Variants in ADGRE1 observed in about 807,000 individuals in gnomAD.
ADGRE1 encodes adhesion G protein-coupled receptor E1.
A neutral mutation model predicts 102.7 loss-of-function variants in ADGRE1; 82 were observed. The ratio of observed to expected loss-of-function variants is 0.80; its 90% CI spans 0.67 to 0.96. The LOEUF is 0.96. ADGRE1 is among the 40% of genes least tolerant of loss of function. ADGRE1 has a pLI of 0.00. For synonymous variants in ADGRE1, 398 were observed against 399.6 expected (o/e 1.00, Z 0.05); for missense variants, 1,032 against 1,085.3 (o/e 0.95, Z 0.69).
intron 18 of ADGRE1, among the ~76,000 whole-genome samples, chr19:6,936,958 A>G (rs1045748525): frequency 1.3e-5 from 2 of 152,000 alleles, no homozygotes; most frequent in Non-Finnish European, 1.5e-5. Flanking sequence ...GGTTTTCACC[A>G]TGTTGGCCAG....
At chr19:6,902,423 T>G (rs28448628) in intron 6 of ADGRE1, among the ~76,000 whole-genome samples, 2 of 151,744 alleles carry the variant, frequency 1.3e-5, no homozygotes, top group African/African-American at 4.8e-5. Context: ...TTGTTTTTTG[T>G]TTTTTTGGGG....
chr19:6,920,244 T>TTTTTTTTTTA (rs777225544), intron 13 of ADGRE1, among the ~76,000 whole-genome samples: 1 of 147,892 alleles, frequency 6.8e-6, no homozygotes, highest in Non-Finnish European at 1.5e-5. Context: ...TTTTTTTTTT[T>TTTTTTTTTTA]AGTCTCACTC....
At chr19:6,898,476 G>T (rs330882) in intron 5 of ADGRE1, 448,459 of 1,584,468 alleles carry the variant, frequency 0.28, 71,020 homozygotes, top group African/African-American at 0.61. Context: ...ATGCCCTCAG[G>T]TTCCCAGGGA....
intron 2 of ADGRE1, among the ~76,000 whole-genome samples, chr19:6,893,389 G>A (rs1194990821): frequency 2.6e-5 from 4 of 152,002 alleles, no homozygotes; most frequent in East Asian, 3.9e-4. Context: ...TAGTAGAGAC[G>A]GGGGCTTCTT....
In ADGRE1 at chr19:6,905,360, C is replaced by CTT. The variant is rs71177126; in HGVS notation, c.950-1061_950-1060dup. On this transcript the variant is annotated intron_variant, in intron 8 of 20. Transcript: ENST00000312053. ...GAGACCCTGTCTTTTGTTTTTTTTT[C>CTT]TTTTTTTTTTTTTATGGAGTCTCAC... Among the ~76,000 whole-genome samples the CTT allele has an allele frequency of 3.7e-3, 502 of 134,356 alleles. 6 individuals carry two copies. Among genetic ancestry groups the CTT allele is most frequent in the African/African-American group, 0.011 (406 of 35,582 alleles). 88.1% of individuals were successfully genotyped at this position (134,356 alleles called of 152,430 possible). A position where few individuals can be genotyped will look rare whatever the true frequency, so the allele number is the denominator to read the frequency against.
intron 8 of ADGRE1, 68 bp from the exon 9 acceptor site, chr19:6,906,365 A>T: frequency 7.1e-7 from 1 of 1,412,838 alleles, no homozygotes; most frequent in Non-Finnish European, 9.9e-7. Context: ...ACATGAAATC[A>T]GACTTGAATT....
intron 10 of ADGRE1, among the ~76,000 whole-genome samples, chr19:6,912,072 A>C (rs568407026): frequency 1.3e-5 from 2 of 152,240 alleles, no homozygotes; most frequent in East Asian, 3.9e-4. Context: ...ACAAATGTAC[A>C]CACATACACA....
chr19:6,934,528 C>T (rs1289269315), intron 17 of ADGRE1, among the ~76,000 whole-genome samples: 5 of 148,602 alleles, frequency 3.4e-5, no homozygotes, highest in African/African-American at 1.2e-4. Context: ...TCAAGTGATT[C>T]TCATGCCTCA....
At chr19:6,938,910 C>T (rs1268151447) in intron 20 of ADGRE1, among the ~76,000 whole-genome samples, 1 of 151,764 alleles carries the variant, frequency 6.6e-6, no homozygotes, top group Non-Finnish European at 1.5e-5. Context: ...ATTTTCCTGC[C>T]TCAGCCTCCC....
intron 6 of ADGRE1, among the ~76,000 whole-genome samples, chr19:6,903,013 T>A (rs930252540): frequency 1.3e-5 from 2 of 152,236 alleles, no homozygotes; most frequent in Non-Finnish European, 2.9e-5. Context: ...AAAACAGCTT[T>A]ATTGAAGAGG....
Position 6,897,428 on chromosome 19 carries a change from A to C in ADGRE1, c.395A>C (p.Asp132Ala). The C allele has an allele frequency of 1.3e-6, 2 of 1,593,116 alleles. No homozygotes were observed. Among genetic ancestry groups the C allele is most frequent in the Non-Finnish European group, 1.7e-6 (2 of 1,168,882 alleles). Residue 132 changes from aspartate (D) to alanine (A), a missense_variant and splice_region_variant, in exon 5 of 21, where the codon GAT (aspartate) becomes GCT (alanine). Asp to Ala is a moderately radical substitution (Grantham distance 126, BLOSUM62 -2). Coordinates refer to ENST00000312053, the MANE Select transcript of ADGRE1 (RefSeq NM_001974.5). ...CTCACCCTCTTCCACTGCTTCTCAG[A>C]TATCAATGAGTGCCTCACCAGCAGC... is the stretch of plus-strand genomic sequence containing the variant. Reference protein sequence around the residue: ...PGKPGNFSCTDINECLTSSVC... With the variant: ...PGKPGNFSCTAINECLTSSVC...
At chr19:6,928,118 G>T in intron 16 of ADGRE1, 27 bp from the exon 17 acceptor site, 3 of 1,608,330 alleles carry the variant, frequency 1.9e-6, no homozygotes, top group Non-Finnish European at 2.5e-6. Context: ...TGAGACAAGC[G>T]CTGACTCCTC....
intron 9 of ADGRE1, among the ~76,000 whole-genome samples, chr19:6,908,224 G>T (rs532972398): frequency 6.6e-6 from 1 of 152,150 alleles, no homozygotes; most frequent in African/African-American, 2.4e-5. Context: ...CCATCCCTTC[G>T]TTTCCCATAA....
At chr19:6,923,790 A>G (rs1359527270) in intron 14 of ADGRE1, among the ~76,000 whole-genome samples, 47 of 128,192 alleles carry the variant, frequency 3.7e-4, no homozygotes, top group Middle Eastern at 4.3e-3. Context: ...CACCCGCCCC[A>G]GCCTCCCATA....
rs531333938 is a variant in ADGRE1, at chr19:6,888,791, G to A, written c.31+1152G>A. Among the ~76,000 whole-genome samples the A allele has an allele frequency of 9.2e-5, 14 of 152,320 alleles. No homozygotes were observed. In the South Asian group the frequency reaches 2.7e-3, roughly 29 times the overall value. On this transcript the variant is annotated intron_variant, in intron 1 of 20. Coordinates refer to ENST00000312053, the MANE Select transcript of ADGRE1 (RefSeq NM_001974.5). The stretch of plus-strand genomic sequence containing the variant: ...TTGGGAGTTTAGATCTGTGGGACTT[G>A]TTGACTGGCAGGCTACATTAGAAGA...
intron 12 of ADGRE1, among the ~76,000 whole-genome samples, chr19:6,918,129 T>G (rs576887598): frequency 3.0e-4 from 45 of 152,134 alleles, no homozygotes; most frequent in Non-Finnish European, 4.6e-4. Flanking sequence ...GTTATTGAAG[T>G]AGGAGATGCA....
chr19:6,916,251 A>G lies in ADGRE1; in HGVS notation c.1303A>G (p.Ile435Val). Residue 435 changes from isoleucine (I) to valine (V), a missense_variant and splice_region_variant, in exon 12 of 21, where the codon ATT (isoleucine) becomes GTT (valine). Ile to Val is a conservative substitution (Grantham distance 29). Coordinates refer to ENST00000312053, the MANE Select transcript of ADGRE1 (RefSeq NM_001974.5). Reference sequence around the variant, plus strand: ...GAACTCTCCCTTTCTCTTTTTAGACATTGAGAGCAAAGTTATCAACAAAGA... The same window carrying G: ...GAACTCTCCCTTTCTCTTTTTAGACGTTGAGAGCAAAGTTATCAACAAAGA... Reference protein sequence around the residue: ...TPAVRTEYLDIESKVINKECS... With the variant: ...TPAVRTEYLDVESKVINKECS... 1 of 1,611,072 alleles carries G rather than the reference A, an allele frequency of 6.2e-7. No homozygotes were observed. Among genetic ancestry groups the G allele is most frequent in the Non-Finnish European group, 8.5e-7 (1 of 1,178,342 alleles).
intron 2 of ADGRE1, among the ~76,000 whole-genome samples, chr19:6,893,525 A>G (rs1403509741): frequency 6.6e-6 from 1 of 152,156 alleles, no homozygotes; most frequent in Non-Finnish European, 1.5e-5. Context: ...TTATGGCTGA[A>G]TGATATTCTA....
chr19:6,906,653 C>T (rs1973968389), intron 9 of ADGRE1, 132 bp downstream of exon 9: 1 of 700,026 alleles, frequency 1.4e-6, no homozygotes, highest in East Asian at 2.7e-5. Flanking sequence ...TTTTTCTCCT[C>T]TGTAACCTGC....
Sources: allele counts gnomAD v4.1 joint callset (sites outside exome capture counted in the v4.1 genomes callset), GRCh38; gene constraint gnomAD v4.1.1; transcripts MANE v1.5; gene names NCBI Gene and HGNC (gene_info 2026-07-23, HGNC 2026-07-21).